ZNF276: variants seen among roughly 807,000 people sequenced by gnomAD.
ZNF276 encodes the protein centromere protein Z.
A neutral mutation model predicts 63.9 loss-of-function variants in ZNF276; 59 were observed. That is an observed-to-expected ratio of 0.92 (90% confidence interval 0.75 to 1.15). The LOEUF is 1.15. Ranked by LOEUF, ZNF276 falls within the 50% of genes most tolerant of loss-of-function variation. The pLI is 0.00. For synonymous variants in ZNF276, 496 were observed against 348.4 expected, an observed-to-expected ratio of 1.42 and a Z score of -4.72; for missense variants, 1,084 against 843.8, an observed-to-expected ratio of 1.28 and a Z score of -3.53.
chr16:89,732,115 T>G (rs917931895), intron 6 of ZNF276: 1 of 152,102 alleles, frequency 6.6e-6, no homozygotes, highest in East Asian at 1.9e-4. Flanking sequence ...CTTGAGATAT[T>G]TCCTTAACTA....
intron 4 of ZNF276, among the ~76,000 whole-genome samples, chr16:89,726,709 G>A (rs546646844): frequency 2.9e-4 from 44 of 151,848 alleles, no homozygotes; most frequent in African/African-American, 7.7e-4. Flanking sequence ...TGCAGTGCGC[G>A]ATCTCGGCTC....
rs1006701570 is a variant in ZNF276 at position 89,733,220 on chromosome 16, C to CCATT, written c.1170-81_1170-78dup. ...CAACTCAGGGAAGCTTCAGAAAAGA[C>CCATT]CATTTCTCAGGTTGGAGAGACAAAA... On this transcript the variant is annotated intron_variant, in intron 6 of 10. Transcript: ENST00000443381. 7.0e-6 allele frequency: 9 copies of CCATT among 1,294,328 alleles called. No individual in the cohort carries two copies. In the African/African-American group the frequency reaches 1.4e-4, roughly 20 times the overall value. 80.2% of individuals were successfully genotyped at this position (1,294,328 alleles called of 1,614,324 possible).
chr16:89,732,463 A>T (rs866604026), intron 6 of ZNF276: 1 of 153,070 alleles, frequency 6.5e-6, no homozygotes, highest in Admixed American at 6.5e-5. Context: ...ATTTTGAGAG[A>T]GTGGATTCTG....
chr16:89,723,558 C>G lies in ZNF276; in HGVS notation c.855C>G (p.Thr285=). Residue 285 remains threonine (T), a synonymous_variant, in exon 4 of 11, where the codon ACC becomes ACG. Coordinates refer to ENST00000443381, the MANE Select transcript of ZNF276 (RefSeq NM_001113525.2). Reference sequence around the variant, plus strand: ...GGAACCCTGGGGATGCCCCTCAGACCTCCCAGGGTAGAGGGACAGGGACCC... The same window carrying G: ...GGAACCCTGGGGATGCCCCTCAGACGTCCCAGGGTAGAGGGACAGGGACCC... The part of the protein sequence containing the change: ...RGWNPGDAPQ[T]SQGRGTGTPV... 3 of 1,612,804 alleles carry G rather than the reference C, an allele frequency of 1.9e-6. No homozygotes were observed. The highest frequency in any genetic ancestry group is 1.7e-6 in the Non-Finnish European group (2 of 1,179,992).
At position 89,733,356 on chromosome 16, in the gene ZNF276, A is replaced by G. The variant is rs770154356; in HGVS notation, c.1224A>G (p.Arg408=). The change falls in exon 7 of 11, where the codon AGA becomes AGG. Residue 408 remains arginine, a synonymous_variant. Transcript: ENST00000443381. ...AAGCCAAGAAGTCTGAAGAACCAAG[A>G]ATTCGGAAGAAGCCGGGACCCAAGC... ...SKEAKKSEEP[R]IRKKPGPKPG... is the part of the protein sequence containing the mutation. 2 of 1,614,048 alleles carry G rather than the reference A, an allele frequency of 1.2e-6. No homozygotes were observed. The highest frequency in any genetic ancestry group is 2.7e-5 in the African/African-American group (2 of 74,948).
intron 9 of ZNF276, among the ~76,000 whole-genome samples, chr16:89,736,369 G>C (rs1372095772): frequency 1.4e-5 from 2 of 146,736 alleles, no homozygotes; most frequent in Non-Finnish European, 1.5e-5. Context: ...GTGTCGCCCA[G>C]CCTGGAGTGC....
Position 89,721,572 on chromosome 16 carries a change from A to T in ZNF276, c.-69A>T. On this transcript the variant is annotated 5_prime_UTR_variant, in exon 1 of 11. Transcript: ENST00000443381. ...GCTTCCAGCGCGCCGAGCGGAGCCT[A>T]ACGCCGGGTCCTCTAGGAACCTCGG... 1 of 1,414,788 alleles carries T rather than the reference A, an allele frequency of 7.1e-7. No individual in the cohort carries two copies. Among genetic ancestry groups the T allele is most frequent in the Non-Finnish European group, 9.3e-7 (1 of 1,075,524 alleles). The allele number at this position is 1,414,788 out of a possible 1,614,324, so 87.6% of individuals were successfully genotyped here.
At position 89,733,381 on chromosome 16, in the gene ZNF276, C is replaced by T. The variant is rs1472490282; in HGVS notation, c.1249C>T (p.Pro417Ser). 1.2e-6 allele frequency: 2 copies of T among 1,614,134 alleles called. No individual in the cohort carries two copies. Among genetic ancestry groups the T allele is most frequent in the Middle Eastern group, 1.6e-4 (1 of 6,062 alleles). The change falls in exon 7 of 11, where the codon CCC becomes TCC. Residue 417 changes from proline to serine, a missense_variant. Pro to Ser is a moderately conservative substitution (Grantham distance 74). Transcript: ENST00000443381. ...PRIRKKPGPK[P>S]GWKKKLRCER... ...AATTCGGAAGAAGCCGGGACCCAAGCCCGGATGGAAGAAGAAGCTTCGTTG... is the reference window on the plus strand; with the variant it reads ...AATTCGGAAGAAGCCGGGACCCAAGTCCGGATGGAAGAAGAAGCTTCGTTG...
chr16:89,728,104 C>T (rs750149336), intron 5 of ZNF276, among the ~76,000 whole-genome samples: 16 of 151,930 alleles, frequency 1.1e-4, no homozygotes, highest in East Asian at 1.9e-4. Context: ...GTGATGAAAT[C>T]GGGCAGGTGC....
rs375508301 is a variant in ZNF276 at position 89,739,058 on chromosome 16, CG to C, written c.*814del. On this transcript the variant is annotated 3_prime_UTR_variant, in exon 11 of 11. Transcript: ENST00000443381. ...GTCCCCCATAGTCTGCATGCTGTGC[CG>C]GAACATTCTTTGGCAGAAGGAGCCT... 50 of 1,613,824 alleles carry C rather than the reference CG, an allele frequency of 3.1e-5. No individual in the cohort carries two copies. The African/African-American group carries it at 5.7e-4, about 19-fold the overall frequency.
At position 89,722,724 on chromosome 16, in the gene ZNF276, G is replaced by C; in HGVS notation, c.399G>C (p.Pro133=). The change falls in exon 2 of 11, where the codon CCG becomes CCC. Residue 133 remains proline, a synonymous_variant. Transcript: ENST00000443381. ...TCCGCCAGGACCCCACCTTGTCTCC[G>C]TTTGTCTGCAAGAGCTGCCACGCCC... ...VAVRQDPTLS[P]FVCKSCHAQF... 6.2e-7 allele frequency: 1 copy of C among 1,612,210 alleles called. No homozygotes were observed. Among genetic ancestry groups the C allele is most frequent in the South Asian group, 1.1e-5 (1 of 91,082 alleles).
rs773001351 is a variant in ZNF276, at chr16:89,723,314, A to G, written c.611A>G (p.His204Arg). ...CTGCACGGCTTGGTGGGGTGGGTGC[A>G]TGGACATGCGGCCAGCTGCGGGGCC... The part of the protein sequence containing the change: ...QCLHGLVGWV[H>R]GHAASCGALP... Residue 204 changes from histidine to arginine, a missense_variant, in exon 4 of 11, where the codon CAT becomes CGT. Physicochemically the swap from His to Arg is conservative, Grantham distance 29. Coordinates refer to ENST00000443381, the MANE Select transcript of ZNF276 (RefSeq NM_001113525.2). 1 of 1,613,004 alleles carries G rather than the reference A, an allele frequency of 6.2e-7. No individual in the cohort carries two copies. The highest frequency in any genetic ancestry group is 8.5e-7 in the Non-Finnish European group (1 of 1,180,020).
In ZNF276 at chr16:89,739,505, G is replaced by A. The variant is rs587778320; in HGVS notation, c.*1259G>A. 1.9e-6 allele frequency: 3 copies of A among 1,551,446 alleles called. No individual in the cohort carries two copies. The highest frequency in any genetic ancestry group is 2.6e-6 in the Non-Finnish European group (3 of 1,147,178). On this transcript the variant is annotated 3_prime_UTR_variant, in exon 11 of 11. Transcript: ENST00000443381. ...GTAAAAAGCGAAAGGCAGCAGCCTG[G>A]TGTGCTGATCCGGGGCCACACGGAG...
upstream of ZNF276, chr16:89,720,610 C>G: frequency 8.2e-7 from 1 of 1,223,498 alleles, no homozygotes; most frequent in South Asian, 3.1e-5. Flanking sequence ...TGCGCCCCGC[C>G]CCCGTCCTCG....
chr16:89,721,751 C>A lies in ZNF276; in HGVS notation c.111C>A (p.Ser37Arg), dbSNP rs1157128134. 2 of 1,310,406 alleles carry A rather than the reference C, an allele frequency of 1.5e-6. No homozygotes were observed. The highest frequency in any genetic ancestry group is 3.1e-5 in the African/African-American group (2 of 64,712). 81.2% of individuals were successfully genotyped at this position (1,310,406 alleles called of 1,614,324 possible). The change falls in exon 1 of 11, where the codon AGC (serine) becomes AGA (arginine). Residue 37 changes from serine (S) to arginine (R), a missense_variant. Coordinates refer to ENST00000443381, the MANE Select transcript of ZNF276 (RefSeq NM_001113525.2). ...VSRTRGRPSL[S>R]GGPRVDGATA... is the part of the protein sequence containing the mutation. ...GGACTCGGGGCCGCCCTTCCCTTAG[C>A]GGTGGGCCGAGGGTGGACGGGGCGA... is the stretch of plus-strand genomic sequence containing the variant.
At chr16:89,737,736 A>G in intron 9 of ZNF276, 70 bp from the exon 10 acceptor site, 2 of 1,604,400 alleles carry the variant, frequency 1.2e-6, no homozygotes, top group Non-Finnish European at 8.5e-7. Flanking sequence ...ATGGTTTCAC[A>G]TTGTCATCGT....
At chr16:89,728,979 G>C (rs559218057) in intron 5 of ZNF276, among the ~76,000 whole-genome samples, 1 of 152,384 alleles carries the variant, frequency 6.6e-6, no homozygotes, top group East Asian at 1.9e-4. Context: ...GGCCGCTGTG[G>C]AAAGGGCTGT....
intron 4 of ZNF276, among the ~76,000 whole-genome samples, chr16:89,725,774 G>A: frequency 6.6e-6 from 1 of 152,026 alleles, no homozygotes; most frequent in Middle Eastern, 3.2e-3. Context: ...CTGACCGACA[G>A]AGCAAGATTC....
chr16:89,721,171 T>G (rs1316958205), upstream of ZNF276: 1 of 249,192 alleles, frequency 4.0e-6, no homozygotes, highest in African/African-American at 2.3e-5. Flanking sequence ...CAGGCCCCTC[T>G]CTACGTGAGA....
Sources: gnomAD v4.1 joint callset for allele counts (sites outside exome capture counted in the v4.1 genomes callset) on GRCh38, gnomAD v4.1.1 for gene constraint, MANE v1.5 for transcripts, NCBI Gene and HGNC (gene_info 2026-07-23, HGNC 2026-07-21) for gene names.